The following TPRG1 variants were observed in gnomAD, a reference collection of about 807,000 sequenced individuals.
TPRG1 encodes the protein tumor protein p63-regulated gene 1 protein.
A neutral mutation model predicts 29.3 loss-of-function variants in TPRG1; 29 were observed. That is an observed-to-expected ratio of 0.99 (90% CI 0.74 to 1.35). TPRG1 has a LOEUF of 1.35. TPRG1 is among the 40% of genes most tolerant of loss of function. TPRG1 has a pLI of 0.00. For synonymous variants in TPRG1, 130 were observed against 116.8 expected (o/e 1.11, Z -0.73); for missense variants, 327 against 335.0 (o/e 0.98, Z 0.19).
At chr3:189,223,769 G>T (rs1404311177) in intron 3 of TPRG1, among the ~76,000 whole-genome samples, 1 of 152,122 alleles carries the variant, frequency 6.6e-6, no homozygotes, top group Non-Finnish European at 1.5e-5. Flanking sequence ...TCTTAAGAGC[G>T]TTATTTCAAT....
At chr3:189,197,192 T>A (rs1732682567) in intron 1 of TPRG1, among the ~76,000 whole-genome samples, 1 of 152,198 alleles carries the variant, frequency 6.6e-6, no homozygotes, top group African/African-American at 2.4e-5. Context: ...GGATTGTGTT[T>A]AGTTTGTAGA....
chr3:189,114,618 G>GC (rs1234780656), intron 1 of TPRG1, among the ~76,000 whole-genome samples: 1 of 152,004 alleles, frequency 6.6e-6, no homozygotes, highest in African/African-American at 2.4e-5. Flanking sequence ...CTCCTCTCAT[G>GC]CCCCCGAATT....
intron 4 of TPRG1, among the ~76,000 whole-genome samples, chr3:189,077,902 T>C (rs1162512303): frequency 6.6e-6 from 1 of 152,100 alleles, no homozygotes; most frequent in Non-Finnish European, 1.5e-5. Flanking sequence ...TTACCTGAAG[T>C]ATAAAGTCAG....
rs1268599000 is a variant in TPRG1, at chr3:189,272,205, A to G, written c.479+33296A>G. Among the ~76,000 whole-genome samples, 4 of 152,314 alleles carry G rather than the reference A, an allele frequency of 2.6e-5. No individual in the cohort carries two copies. The East Asian group carries it at 7.7e-4, about 29-fold the overall frequency. On this transcript the variant is annotated intron_variant, in intron 4 of 5. Coordinates refer to ENST00000345063, the MANE Select transcript of TPRG1 (RefSeq NM_198485.4). ...TGCTTTTCCCATATGTAATGCAAGCATCTATTATTATATTTGGGATCTGCT... is the reference window on the plus strand; with the variant it reads ...TGCTTTTCCCATATGTAATGCAAGCGTCTATTATTATATTTGGGATCTGCT...
intron 4 of TPRG1, among the ~76,000 whole-genome samples, chr3:189,055,548 A>G (rs1715612640): frequency 6.6e-6 from 1 of 152,184 alleles, no homozygotes; most frequent in African/African-American, 2.4e-5. Context: ...CTCACTCACC[A>G]GTCATTTGTT....
chr3:189,169,031 A>AT (rs1233934390), upstream of TPRG1, among the ~76,000 whole-genome samples: 1 of 152,182 alleles, frequency 6.6e-6, no homozygotes, highest in Non-Finnish European at 1.5e-5. Flanking sequence ...ATGTCACTCC[A>AT]TCCCCATTTG....
chr3:189,142,988 C>T (rs921329), intron 3 of TPRG1, among the ~76,000 whole-genome samples: 49,807 of 152,068 alleles, frequency 0.33, 8,458 homozygotes, highest in Admixed American at 0.45. Flanking sequence ...AGATTTAAGG[C>T]ATTTAGCTAG....
At chr3:189,116,413 GTGA>G (rs1721179867) in intron 1 of TPRG1, among the ~76,000 whole-genome samples, 1 of 152,008 alleles carries the variant, frequency 6.6e-6, no homozygotes. Flanking sequence ...TCCTGACCTC[GTGA>G]TCCACCCACC....
Position 189,313,216 on chromosome 3 carries a change from T to C in TPRG1, c.633+2677T>C, listed in dbSNP as rs1722985871. The C allele has an allele frequency of 2.6e-5, 4 of 152,188 alleles. No individual in the cohort carries two copies. In the South Asian group the frequency reaches 6.2e-4, roughly 24 times the overall value. 9.4% of individuals were successfully genotyped at this position (152,188 alleles called of 1,614,324 possible). On this transcript the variant is annotated intron_variant, in intron 5 of 5. Transcript: ENST00000345063. Reference sequence around the variant, plus strand: ...AGGTTTTTGTGTCTTATTTTCTCTTTTGTTGTTGGTTTTTATGTCACAATA... The same window carrying C: ...AGGTTTTTGTGTCTTATTTTCTCTTCTGTTGTTGGTTTTTATGTCACAATA...
intron 4 of TPRG1, among the ~76,000 whole-genome samples, chr3:189,266,300 G>A (rs1393555489): frequency 6.6e-6 from 1 of 152,158 alleles, no homozygotes; most frequent in Non-Finnish European, 1.5e-5. Context: ...GAAGATGTCA[G>A]TTCCTCTATG....
rs530998504 is a variant in TPRG1 at position 189,271,537 on chromosome 3, T to C, written c.479+32628T>C. On this transcript the variant is annotated intron_variant, in intron 4 of 5. Transcript: ENST00000345063. Reference sequence around the variant, plus strand: ...TTGATAAATGTGCCATAGCAGAAAATAGAAAAGAAAGTAATCTAGATATTT... The same window carrying C: ...TTGATAAATGTGCCATAGCAGAAAACAGAAAAGAAAGTAATCTAGATATTT... Among the ~76,000 whole-genome samples the C allele has an allele frequency of 2.0e-5, 3 of 152,254 alleles. No individual in the cohort carries two copies. The East Asian group carries it at 5.8e-4, about 29-fold the overall frequency.
chr3:189,108,406 A>G (rs1420801626), intron 1 of TPRG1, among the ~76,000 whole-genome samples: 2 of 152,192 alleles, frequency 1.3e-5, no homozygotes, highest in South Asian at 4.1e-4. Context: ...TAAAAAGTAC[A>G]TAATTGCCAT....
intron 4 of TPRG1, among the ~76,000 whole-genome samples, chr3:189,245,096 A>G (rs1258468437): frequency 6.6e-6 from 1 of 151,910 alleles, no homozygotes. Flanking sequence ...AATTTTTTGT[A>G]TTTTTAGTAG....
chr3:189,049,174 A>C (rs749124937), intron 4 of TPRG1, among the ~76,000 whole-genome samples: 8 of 152,202 alleles, frequency 5.3e-5, no homozygotes, highest in Non-Finnish European at 8.8e-5. Flanking sequence ...TAGGTTGGGC[A>C]GACTTCACAG....
At chr3:189,015,861 T>C (rs1712901953) in intron 3 of TPRG1, among the ~76,000 whole-genome samples, 1 of 152,162 alleles carries the variant, frequency 6.6e-6, no homozygotes, top group African/African-American at 2.4e-5. Flanking sequence ...AATGGATGTC[T>C]AGGCAGAAGT....
At chr3:189,008,956 C>T (rs1712453403) in intron 3 of TPRG1, among the ~76,000 whole-genome samples, 1 of 152,150 alleles carries the variant, frequency 6.6e-6, no homozygotes, top group Non-Finnish European at 1.5e-5. Context: ...CCTCTTTACT[C>T]TTCCTGGATT....
chr3:189,022,866 T>C (rs1713423795), intron 3 of TPRG1, among the ~76,000 whole-genome samples: 1 of 152,228 alleles, frequency 6.6e-6, no homozygotes, highest in African/African-American at 2.4e-5. Flanking sequence ...ACTGCTGTGC[T>C]AGCAATCAGC....
At chr3:189,298,571 A>T (rs548813991) in intron 4 of TPRG1, among the ~76,000 whole-genome samples, 1 of 152,242 alleles carries the variant, frequency 6.6e-6, no homozygotes, top group Middle Eastern at 3.4e-3. Flanking sequence ...CATCAGTGGC[A>T]TGGGATTTTT....
At chr3:189,008,729 A>G (rs1249191610) in intron 3 of TPRG1, among the ~76,000 whole-genome samples, 1 of 152,144 alleles carries the variant, frequency 6.6e-6, no homozygotes, top group Non-Finnish European at 1.5e-5. Context: ...TCCATGCACA[A>G]TAGATTTCAG....
Sources: allele counts gnomAD v4.1 joint callset (sites outside exome capture counted in the v4.1 genomes callset), GRCh38; gene constraint gnomAD v4.1.1; transcripts MANE v1.5; gene names NCBI Gene and HGNC (gene_info 2026-07-23, HGNC 2026-07-21).